DRP2: variants seen among roughly 807,000 people sequenced by gnomAD.
DRP2 encodes dystrophin-related protein 2.
In DRP2, 29 loss-of-function variants were observed where a neutral mutation model predicts 78.2. That is an observed-to-expected ratio of 0.37 (90% CI 0.28 to 0.51). The LOEUF is 0.51. Ranked by LOEUF, DRP2 falls within the 20% of genes least tolerant of loss-of-function variation. The pLI, the probability that DRP2 is intolerant of heterozygous loss-of-function variation, is 0.94. For synonymous variants in DRP2, 290 were observed against 281.9 expected (o/e 1.03, Z -0.29); for missense variants, 686 against 770.6 (o/e 0.89, Z 1.30).
At chrX:101,253,516 A>AT (rs1392369220) in intron 17 of DRP2, among the ~76,000 whole-genome samples, 3 of 66,950 alleles carry the variant, frequency 4.5e-5, no homozygotes, top group Admixed American at 1.6e-4. Flanking sequence ...TTTTTTTAGA[A>AT]TTTTTTTTTA....
At chrX:101,258,227 C>A in intron 21 of DRP2, 82 bp from the exon 22 acceptor site, 2 of 869,233 alleles carry the variant, frequency 2.3e-6, no homozygotes, top group Non-Finnish European at 3.3e-6. Context: ...ATTGTTCACA[C>A]CTAGGCCTGA....
chrX:101,224,191 GTTTTTTTTTTT>G (rs1167730116), intron 1 of DRP2, among the ~76,000 whole-genome samples: 1 of 38,868 alleles, frequency 2.6e-5, no homozygotes, highest in African/African-American at 1.3e-4. Flanking sequence ...GGTTTTTTTT[GTTTTTTTTTTT>G]TTTTTTTTTT....
At chrX:101,246,812 T>A (rs1205889312) in intron 11 of DRP2, among the ~76,000 whole-genome samples, 1 of 112,333 alleles carries the variant, frequency 8.9e-6, no homozygotes, top group African/African-American at 3.2e-5. Context: ...TAAGTCTTGA[T>A]CAAAAAGCAT....
chrX:101,220,430 C>G (rs1233453523), intron 1 of DRP2, among the ~76,000 whole-genome samples: 1 of 108,669 alleles, frequency 9.2e-6, no homozygotes. Context: ...AAAAGATGCC[C>G]AAGAATAGAA....
intron 21 of DRP2, 101 bp downstream of exon 21, chrX:101,256,362 G>A: frequency 1.2e-6 from 1 of 832,620 alleles, no homozygotes; most frequent in Non-Finnish European, 1.6e-6. Flanking sequence ...CCTTGAGCAA[G>A]TTACTTATAT....
rs1923587319 is a variant in DRP2 at position 101,262,340 on chromosome X, T to C, written c.*1719T>C. ...CCCCTAAATGGTTCAGGTGCCAAAA[T>C]AGAGCAAACCCAAGCTCTGCCCACC... is the stretch of plus-strand genomic sequence containing the variant. On this transcript the variant is annotated 3_prime_UTR_variant, in exon 24 of 24. Coordinates refer to ENST00000395209, the MANE Select transcript of DRP2 (RefSeq NM_001939.3). The C allele has an allele frequency of 9.0e-6, 1 of 111,425 alleles. No homozygotes were observed. Among genetic ancestry groups the C allele is most frequent in the African/African-American group, 3.3e-5 (1 of 30,597 alleles). The allele number at this position is 111,425 out of a possible 1,213,427, so 9.2% of individuals were successfully genotyped here. A position where few individuals can be genotyped will look rare whatever the true frequency, so the allele number is the denominator to read the frequency against.
At chrX:101,231,839 G>A (rs966160674) in intron 3 of DRP2, 75 bp downstream of exon 3, 97 of 885,456 alleles carry the variant, frequency 1.1e-4, no homozygotes, top group Non-Finnish European at 1.5e-4. Flanking sequence ...GGGTACCCAC[G>A]CTTCCTAAGG....
chrX:101,254,276 C>T (rs774170812), intron 17 of DRP2, 149 bp from the exon 18 acceptor site: 1 of 741,681 alleles, frequency 1.3e-6, no homozygotes, highest in Non-Finnish European at 1.9e-6. Flanking sequence ...GGCATATATC[C>T]TCCCAGACCT....
chrX:101,248,066 C>T (rs1428656825), intron 12 of DRP2, 23 bp from the exon 13 acceptor site: 1 of 1,194,466 alleles, frequency 8.4e-7, no homozygotes, highest in Non-Finnish European at 1.1e-6. Flanking sequence ...TATTTTTTTT[C>T]TCTTCTCTTC....
intron 12 of DRP2, 144 bp from the exon 13 acceptor site, chrX:101,247,945 A>G: frequency 1.9e-6 from 1 of 514,223 alleles, no homozygotes; most frequent in Non-Finnish European, 3.2e-6. Flanking sequence ...GTCTTAGTAA[A>G]GGACAAGCTT....
intron 3 of DRP2, among the ~76,000 whole-genome samples, chrX:101,234,435 C>T (rs58126649): frequency 0.016 from 1,764 of 113,088 alleles, 43 homozygotes; most frequent in African/African-American, 0.053. Context: ...TCTCCAGAGA[C>T]AAAGCTCTGA....
chrX:101,237,988 T>C (rs747332694), intron 5 of DRP2, among the ~76,000 whole-genome samples: 1 of 112,049 alleles, frequency 8.9e-6, no homozygotes, highest in Non-Finnish European at 1.9e-5. Context: ...CTTAAAATAC[T>C]GCCATGATTT....
intron 14 of DRP2, among the ~76,000 whole-genome samples, chrX:101,249,561 C>G (rs2238991): frequency 0.33 from 36,682 of 109,913 alleles, 4,532 homozygotes; most frequent in Middle Eastern, 0.39. Flanking sequence ...AGTTCAAGTC[C>G]AGCCTAGACA....
chrX:101,257,965 GGCC>G (rs1177414835), intron 21 of DRP2, among the ~76,000 whole-genome samples: 40 of 110,845 alleles, frequency 3.6e-4, no homozygotes, highest in African/African-American at 1.1e-3. Context: ...GTGAGTCAGT[GGCC>G]CTAATGCCTC....
chrX:101,255,070 G>A (rs1268060968), intron 19 of DRP2, 114 bp from the exon 20 acceptor site: 16 of 1,028,347 alleles, frequency 1.6e-5, no homozygotes, highest in Non-Finnish European at 2.2e-5. Context: ...CCAACACTTA[G>A]GAGTAGTTGG....
intron 2 of DRP2, among the ~76,000 whole-genome samples, chrX:101,227,273 T>G (rs1313957758): frequency 8.9e-6 from 1 of 111,900 alleles, no homozygotes; most frequent in African/African-American, 3.3e-5. Flanking sequence ...TCCTTTTTTT[T>G]GTTTGTTTAT....
chrX:101,220,316 C>T (rs955905856), intron 1 of DRP2, among the ~76,000 whole-genome samples, 170 bp downstream of exon 1: 3 of 85,059 alleles, frequency 3.5e-5, no homozygotes, highest in East Asian at 3.2e-4. Context: ...TGTGTGTGTA[C>T]GCGTGCCTGC....
chrX:101,236,520 C>T (rs1198655675), intron 4 of DRP2, among the ~76,000 whole-genome samples: 1 of 111,968 alleles, frequency 8.9e-6, no homozygotes, highest in African/African-American at 3.3e-5. Context: ...CCACCTATTT[C>T]TCCCCAAACT....
At chrX:101,256,311 T>C in intron 21 of DRP2, 50 bp downstream of exon 21, 1 of 1,104,921 alleles carries the variant, frequency 9.1e-7, no homozygotes, top group Non-Finnish European at 1.2e-6. Flanking sequence ...GGCAGACAGA[T>C]TGAATTTAAG....
Sources: allele counts gnomAD v4.1 joint callset (sites outside exome capture counted in the v4.1 genomes callset), GRCh38; gene constraint gnomAD v4.1.1; transcripts MANE v1.5; gene names NCBI Gene and HGNC (gene_info 2026-07-23, HGNC 2026-07-21).